Variants in ALX4 observed in about 807,000 individuals in gnomAD.
ALX4 encodes the protein ALX homeobox 4.
In ALX4, 22 loss-of-function variants were observed where a neutral mutation model predicts 40.6. The ratio of observed to expected loss-of-function variants is 0.54; its 90% CI spans 0.39 to 0.77. ALX4 has a LOEUF of 0.77. Among genes scored for constraint, ALX4 ranks in the 30% least tolerant of loss-of-function variants. ALX4 has a pLI of 0.00. For synonymous variants in ALX4, 266 were observed against 240.5 expected, an observed-to-expected ratio of 1.11 and a Z score of -0.98; for missense variants, 556 against 564.8, an observed-to-expected ratio of 0.98 and a Z score of 0.16.
rs144442574 is a variant in ALX4 at position 44,296,691 on chromosome 11, G to GA, written c.466+12905dup. On this transcript the variant is annotated intron_variant, in intron 1 of 3. Coordinates refer to ENST00000652299, the MANE Select transcript of ALX4 (RefSeq NM_021926.4). The stretch of plus-strand genomic sequence containing the variant: ...ACACAAATGGCCAGACGCCAAAGGA[G>GA]AATACTGTATGATTCCACCTATAAG... 8.8e-3 allele frequency among the ~76,000 whole-genome samples: 1,342 copies of GA among 152,170 alleles called. 19 individuals carry two copies. The highest frequency in any genetic ancestry group is 0.03 in the African/African-American group (1,264 of 41,498).
intron 2 of ALX4, 33 bp from the exon 3 acceptor site, chr11:44,267,655 G>T: frequency 1.2e-6 from 2 of 1,613,784 alleles, no homozygotes; most frequent in Non-Finnish European, 8.5e-7. Flanking sequence ...TGTCACCAGG[G>T]TGAGATGCCC....
intron 3 of ALX4, 28 bp downstream of exon 3, chr11:44,267,466 G>T (rs202170828): frequency 1.6e-5 from 26 of 1,612,096 alleles, no homozygotes; most frequent in Non-Finnish European, 2.1e-5. Context: ...GCTGGGGATC[G>T]GTGGCGGCAG....
intron 1 of ALX4, among the ~76,000 whole-genome samples, chr11:44,293,802 T>C (rs1956387402): frequency 6.6e-6 from 1 of 152,230 alleles, no homozygotes; most frequent in South Asian, 2.1e-4. Flanking sequence ...TTAGAAGGGT[T>C]TGTCTCCTCC....
chr11:44,304,385 G>T (rs889424178), intron 1 of ALX4, among the ~76,000 whole-genome samples: 3 of 152,196 alleles, frequency 2.0e-5, no homozygotes, highest in Non-Finnish European at 2.9e-5. Flanking sequence ...GAGGCTCCGG[G>T]GGCAGGAAGT....
intron 1 of ALX4, among the ~76,000 whole-genome samples, chr11:44,299,976 C>T (rs188962954): frequency 2.3e-3 from 354 of 152,312 alleles, no homozygotes; most frequent in African/African-American, 8.0e-3. Context: ...CAGGGACGCT[C>T]AGTTGTTCTG....
At chr11:44,287,978 T>TTTTG (rs565583227) in intron 1 of ALX4, among the ~76,000 whole-genome samples, 1 of 152,122 alleles carries the variant, frequency 6.6e-6, no homozygotes, top group East Asian at 1.9e-4. Context: ...CTTACTCTTT[T>TTTTG]TTTGTTTGTT....
intron 2 of ALX4, 124 bp from the exon 3 acceptor site, chr11:44,267,746 G>C (rs915349906): frequency 1.6e-6 from 2 of 1,279,708 alleles, no homozygotes; most frequent in South Asian, 1.2e-5. Context: ...GAAACGGTGC[G>C]GCCACACATA....
intron 1 of ALX4, among the ~76,000 whole-genome samples, chr11:44,305,288 G>A (rs1195181278): frequency 6.6e-6 from 1 of 152,174 alleles, no homozygotes; most frequent in Non-Finnish European, 1.5e-5. Context: ...TTAAAATATT[G>A]AGTTTTAATC....
At chr11:44,276,125 G>C (rs7945249) in intron 1 of ALX4, among the ~76,000 whole-genome samples, 144,426 of 152,216 alleles carry the variant, frequency 0.95, 68,594 homozygotes, top group East Asian at 1. Flanking sequence ...GAGGACCCAG[G>C]ATTGAGGCAG....
intron 1 of ALX4, among the ~76,000 whole-genome samples, chr11:44,299,619 C>A (rs1956423977): frequency 6.6e-6 from 1 of 152,096 alleles, no homozygotes. Context: ...CTAGGCCTCC[C>A]AAAATGCTGG....
At chr11:44,281,795 A>G (rs1956312003) in intron 1 of ALX4, among the ~76,000 whole-genome samples, 1 of 152,268 alleles carries the variant, frequency 6.6e-6, no homozygotes, top group African/African-American at 2.4e-5. Flanking sequence ...TCCAGTCCCA[A>G]TAAATAATGC....
At chr11:44,286,059 G>A (rs909937343) in intron 1 of ALX4, among the ~76,000 whole-genome samples, 1 of 152,216 alleles carries the variant, frequency 6.6e-6, no homozygotes, top group African/African-American at 2.4e-5. Flanking sequence ...GCTGAGGGTG[G>A]CCAGTGTGTC....
intron 1 of ALX4, among the ~76,000 whole-genome samples, chr11:44,307,940 G>GTGTGGAAATGTGTGTGCCTGCA (rs1956479216): frequency 6.6e-6 from 1 of 152,070 alleles, no homozygotes; most frequent in African/African-American, 2.4e-5. Flanking sequence ...GGGTGTCTGT[G>GTGTGGAAATGTGTGTGCCTGCA]TGTGGAACTG....
chr11:44,295,443 G>T (rs1956397559), intron 1 of ALX4, among the ~76,000 whole-genome samples: 2 of 152,258 alleles, frequency 1.3e-5, no homozygotes, highest in South Asian at 4.1e-4. Flanking sequence ...ATGGCTGGAA[G>T]ACCAGGCTCA....
At chr11:44,304,379 C>A (rs1272233908) in intron 1 of ALX4, among the ~76,000 whole-genome samples, 1 of 152,228 alleles carries the variant, frequency 6.6e-6, no homozygotes, top group Non-Finnish European at 1.5e-5. Context: ...GACGCTGAGG[C>A]TCCGGGGGCA....
intron 2 of ALX4, among the ~76,000 whole-genome samples, chr11:44,271,794 T>A (rs529953380): frequency 6.6e-6 from 1 of 152,346 alleles, no homozygotes; most frequent in African/African-American, 2.4e-5. Flanking sequence ...TTTGTTTTCA[T>A]GTTTTGTACT....
chr11:44,274,569 G>T (rs1469574494), intron 2 of ALX4, among the ~76,000 whole-genome samples: 2 of 151,982 alleles, frequency 1.3e-5, no homozygotes, highest in African/African-American at 4.8e-5. Context: ...GTTGAGTTGG[G>T]TTGAGTGTGT....
intron 1 of ALX4, among the ~76,000 whole-genome samples, chr11:44,293,168 GAAGCAGGC>G (rs1565007550): frequency 1.0e-4 from 1 of 9,560 alleles, no homozygotes; most frequent in African/African-American, 4.0e-4. Context: ...AGGAAGGAAG[GAAGCAGGC>G]AGGCAGGGAG....
At chr11:44,297,017 A>G (rs1343741590) in intron 1 of ALX4, among the ~76,000 whole-genome samples, 4 of 151,452 alleles carry the variant, frequency 2.6e-5, no homozygotes, top group Admixed American at 2.0e-4. Context: ...CTCAAAAAAA[A>G]AAAAAAAAAA....
Sources: allele counts gnomAD v4.1 joint callset (sites outside exome capture counted in the v4.1 genomes callset), GRCh38; gene constraint gnomAD v4.1.1; transcripts MANE v1.5; gene names NCBI Gene and HGNC (gene_info 2026-07-23, HGNC 2026-07-21).